The following RPS6KA2 variants were observed in gnomAD, a reference collection of about 807,000 sequenced individuals.
RPS6KA2 encodes the protein ribosomal protein S6 kinase alpha-2.
Under a neutral mutation model 91.8 loss-of-function variants are expected in RPS6KA2, and 42 were observed. The ratio of observed to expected loss-of-function variants is 0.46; its 90% CI spans 0.36 to 0.59. The LOEUF (loss-of-function observed/expected upper bound fraction) is 0.59, where lower values mean the gene tolerates loss of function less well. Among genes scored for constraint, RPS6KA2 ranks in the 20% least tolerant of loss-of-function variants. RPS6KA2 has a pLI of 0.00. For missense variants in RPS6KA2, 798 were observed against 978.5 expected, an observed-to-expected ratio of 0.82 and a Z score of 2.46; for synonymous variants, 414 against 393.6, an observed-to-expected ratio of 1.05 and a Z score of -0.61.
chr6:166,449,872 C>T (rs762175462), intron 13 of RPS6KA2, among the ~76,000 whole-genome samples: 210 of 119,998 alleles, frequency 1.8e-3, no homozygotes, highest in African/African-American at 5.1e-3. Flanking sequence ...GGAACCACCA[C>T]GCGGACCACC....
rs560344771 is a variant in RPS6KA2 at position 166,603,442 on chromosome 6, C to T, written c.99+23479G>A. 2.6e-5 allele frequency among the ~76,000 whole-genome samples: 4 copies of T among 152,116 alleles called. No homozygotes were observed. The highest frequency in any genetic ancestry group is 4.4e-5 in the Non-Finnish European group (3 of 68,034). On this transcript the variant is annotated intron_variant, in intron 1 of 20. Coordinates refer to ENST00000265678, the MANE Select transcript of RPS6KA2 (RefSeq NM_021135.6). The surrounding 1 kb of genome is among the most constrained non-coding windows in gnomAD (Gnocchi z 4.3). The stretch of plus-strand genomic sequence containing the variant: ...TCCAGTCCAGCATCCACCAGCCACA[C>T]GGGAGATGGTGTGGGATGTGGGATC...
chr6:166,499,213 G>T (rs933281043), intron 7 of RPS6KA2, among the ~76,000 whole-genome samples: 1 of 152,220 alleles, frequency 6.6e-6, no homozygotes, highest in Non-Finnish European at 1.5e-5. Flanking sequence ...GAGCAAGGAG[G>T]GGCTTCTGAA....
chr6:166,801,891 A>G (rs1464198541), intron 2 of RPS6KA2, among the ~76,000 whole-genome samples: 1 of 152,178 alleles, frequency 6.6e-6, no homozygotes, highest in African/African-American at 2.4e-5. Flanking sequence ...ATTGAGAAGG[A>G]AAGTCTTTAA....
At chr6:166,561,563 G>C (rs1201082978) in intron 1 of RPS6KA2, among the ~76,000 whole-genome samples, 1 of 151,812 alleles carries the variant, frequency 6.6e-6, no homozygotes, top group Non-Finnish European at 1.5e-5. Context: ...GACTCTGTGG[G>C]GGGAGTCCTG....
chr6:166,826,272 G>A (rs2242575), intron 2 of RPS6KA2, among the ~76,000 whole-genome samples: 19,482 of 152,234 alleles, frequency 0.13, 1,455 homozygotes, highest in East Asian at 0.28. Flanking sequence ...CTGAGAAAGT[G>A]GAAAAGTAGA....
intron 3 of RPS6KA2, among the ~76,000 whole-genome samples, chr6:166,526,693 G>A (rs996722618): frequency 6.6e-6 from 1 of 152,008 alleles, no homozygotes; most frequent in African/African-American, 2.4e-5. Flanking sequence ...AGCTACTCAA[G>A]CACATTGTTC....
rs1363320488 is a variant in RPS6KA2, at chr6:166,626,303, G to A, written c.99+618C>T. On this transcript the variant is annotated intron_variant, in intron 1 of 20. Coordinates refer to ENST00000265678, the MANE Select transcript of RPS6KA2 (RefSeq NM_021135.6). The surrounding 1 kb of genome is among the most constrained non-coding windows in gnomAD (Gnocchi z 4.1). ...GCTTTGGGAGTACTCTGGGTTTTCA[G>A]GACGAATCTGTATCAGCCTCGGCGC... 1.3e-5 allele frequency among the ~76,000 whole-genome samples: 2 copies of A among 152,244 alleles called. No homozygotes were observed. Among genetic ancestry groups the A allele is most frequent in the Non-Finnish European group, 2.9e-5 (2 of 68,042 alleles).
chr6:166,646,319 C>A (rs917042171), intron 2 of RPS6KA2, among the ~76,000 whole-genome samples: 3 of 152,172 alleles, frequency 2.0e-5, no homozygotes, highest in Non-Finnish European at 4.4e-5. Flanking sequence ...TAGCAGGGAC[C>A]CCCCTGGACC....
chr6:166,682,201 C>T (rs1283293224), intron 2 of RPS6KA2, among the ~76,000 whole-genome samples: 1 of 152,184 alleles, frequency 6.6e-6, no homozygotes, highest in Non-Finnish European at 1.5e-5. Flanking sequence ...TTCTCCTTTT[C>T]TTCTTCATTA....
intron 14 of RPS6KA2, among the ~76,000 whole-genome samples, chr6:166,446,965 T>A (rs1163739753): frequency 6.6e-6 from 1 of 152,178 alleles, no homozygotes; most frequent in Non-Finnish European, 1.5e-5. Flanking sequence ...TGAAATTCTC[T>A]TGTCTAAGGC....
chr6:166,700,382 C>T (rs1169448467), intron 2 of RPS6KA2, among the ~76,000 whole-genome samples: 1 of 152,090 alleles, frequency 6.6e-6, no homozygotes, highest in Non-Finnish European at 1.5e-5. Context: ...TTACTGTCAC[C>T]AGCCAGAAGT....
chr6:166,573,937 C>T (rs945731407), intron 1 of RPS6KA2, among the ~76,000 whole-genome samples: 3 of 152,208 alleles, frequency 2.0e-5, no homozygotes, highest in African/African-American at 7.2e-5. Flanking sequence ...AAGGGAACGC[C>T]GACCCACAAA....
At chr6:166,608,371 T>C (rs3799579) in intron 1 of RPS6KA2, among the ~76,000 whole-genome samples, 18,761 of 152,172 alleles carry the variant, frequency 0.12, 1,241 homozygotes, top group East Asian at 0.32. Context: ...ATCTCTATAT[T>C]CATGTGAATT....
At position 166,664,248 on chromosome 6, in the gene RPS6KA2, C is replaced by A. The variant is rs1788252248; in HGVS notation, c.124-125464G>T. Among the ~76,000 whole-genome samples, 3 of 142,686 alleles carry A rather than the reference C, an allele frequency of 2.1e-5. No homozygotes were observed. The South Asian group carries it at 6.9e-4, about 33-fold the overall frequency. The allele number at this position is 142,686 out of a possible 152,430, so 93.6% of individuals were successfully genotyped here. A position where few individuals can be genotyped will look rare whatever the true frequency, so the allele number is the denominator to read the frequency against. Reference sequence around the variant, plus strand: ...TTCCATTGGTCCCACTCTAAGTGAACCTTGGCAATCAAAAGGGCATCATCA... The same window carrying A: ...TTCCATTGGTCCCACTCTAAGTGAAACTTGGCAATCAAAAGGGCATCATCA... On this transcript the variant is annotated intron_variant, in intron 2 of 21. Coordinates refer to the RPS6KA2 transcript ENST00000503859.
intron 1 of RPS6KA2, among the ~76,000 whole-genome samples, chr6:166,599,581 CAG>C (rs1221058213): frequency 2.0e-5 from 3 of 152,190 alleles, no homozygotes; most frequent in African/African-American, 4.8e-5. Context: ...ACGGGGAAGA[CAG>C]CAGGTCACTT....
At chr6:166,703,252 C>G (rs1373569092) in intron 2 of RPS6KA2, among the ~76,000 whole-genome samples, 2 of 152,236 alleles carry the variant, frequency 1.3e-5, no homozygotes, top group East Asian at 3.8e-4. Context: ...TTAAAACTCC[C>G]TTCCCAATTA....
At position 166,705,426 on chromosome 6, in the gene RPS6KA2, G is replaced by A. The variant is rs565652968; in HGVS notation, c.123+152774C>T. Among the ~76,000 whole-genome samples the A allele has an allele frequency of 2.8e-4, 43 of 152,234 alleles. 1 individual carries two copies. The South Asian group carries it at 7.1e-3, about 25-fold the overall frequency. ...TAATCTGAGCAGATCACCACCCTCC[G>A]CACAAACCCTTAGGGAACTAGAAGA... is the stretch of plus-strand genomic sequence containing the variant. On this transcript the variant is annotated intron_variant, in intron 2 of 21. Transcript: ENST00000503859.
At chr6:166,505,763 C>T (rs1028670555) in intron 5 of RPS6KA2, among the ~76,000 whole-genome samples, 2 of 152,250 alleles carry the variant, frequency 1.3e-5, no homozygotes, top group African/African-American at 2.4e-5. Flanking sequence ...CCCCGAGTCC[C>T]CGTCCTCCAT....
At chr6:166,752,721 T>C (rs1777885790) in intron 2 of RPS6KA2, among the ~76,000 whole-genome samples, 1 of 152,176 alleles carries the variant, frequency 6.6e-6, no homozygotes. Flanking sequence ...CACAACCTGG[T>C]TCTCCCACCT....
Sources: gnomAD v4.1 joint callset for allele counts (sites outside exome capture counted in the v4.1 genomes callset) on GRCh38, gnomAD v4.1.1 for gene constraint, Gnocchi (gnomAD v3.1) non-coding constraint, MANE v1.5 for transcripts, NCBI Gene and HGNC (gene_info 2026-07-23, HGNC 2026-07-21) for gene names.